The following ZNF608 variants were observed in gnomAD, a reference collection of about 807,000 sequenced individuals.
The protein encoded by ZNF608 is zinc finger protein 608.
ZNF608 carries 12 observed loss-of-function variants against 109.0 expected under a neutral mutation model. The observed-to-expected ratio is 0.11, with a 90% CI of 0.07 to 0.18. The LOEUF is 0.18. Ranked by LOEUF, ZNF608 falls within the 10% of genes least tolerant of loss-of-function variation. The probability of loss-of-function intolerance (pLI) is 1.00; values close to 1 mark genes in which losing one functional copy is unlikely to be tolerated. For missense variants in ZNF608, 1,707 were observed against 1,879.3 expected (o/e 0.91, Z 1.70); for synonymous variants, 732 against 717.4 (o/e 1.02, Z -0.33).
At chr5:124,649,209 G>T (rs1004622581) in intron 4 of ZNF608, 76 bp from the exon 5 acceptor site, 32 of 1,250,104 alleles carry the variant, frequency 2.6e-5, no homozygotes, top group African/African-American at 4.5e-5. Context: ...ACACAATGCA[G>T]TAAAGAGGAG....
intron 3 of ZNF608, among the ~76,000 whole-genome samples, chr5:124,699,522 G>A (rs979164737): frequency 6.6e-6 from 1 of 152,168 alleles, no homozygotes; most frequent in African/African-American, 2.4e-5. Context: ...ACTTCCCTCT[G>A]AGCAAACAAA....
chr5:124,721,784 A>C, intron 2 of ZNF608, among the ~76,000 whole-genome samples: 1 of 151,486 alleles, frequency 6.6e-6, no homozygotes, highest in East Asian at 1.9e-4. Context: ...TTAAAAATAC[A>C]AAAATTACCC....
intron 3 of ZNF608, among the ~76,000 whole-genome samples, chr5:124,691,914 T>TA (rs552389413): frequency 1.2e-3 from 180 of 146,172 alleles, no homozygotes; most frequent in East Asian, 4.9e-3. Flanking sequence ...TGGTTAAGAA[T>TA]AAAAAAAAAA....
intron 8 of ZNF608, among the ~76,000 whole-genome samples, chr5:124,640,257 T>G (rs962395482): frequency 6.6e-6 from 1 of 152,196 alleles, no homozygotes; most frequent in African/African-American, 2.4e-5. Context: ...CCTCAAAATA[T>G]GTTGAAGCTC....
chr5:124,668,477 G>A (rs1378821362), intron 3 of ZNF608, among the ~76,000 whole-genome samples: 4 of 151,868 alleles, frequency 2.6e-5, no homozygotes, highest in Non-Finnish European at 4.4e-5. Context: ...TTATCAAGAA[G>A]GAAACTAGGG....
At chr5:124,709,170 CAAAAAAAAAAAA>C (rs1156276798) in intron 2 of ZNF608, among the ~76,000 whole-genome samples, 6 of 32,710 alleles carry the variant, frequency 1.8e-4, no homozygotes, top group East Asian at 1.2e-3. Flanking sequence ...GACTCTGTCT[CAAAAAAAAAAAA>C]AAAAAAAAAA....
At chr5:124,641,469 A>G in intron 7 of ZNF608, 64 bp from the exon 8 acceptor site, 1 of 1,505,656 alleles carries the variant, frequency 6.6e-7, no homozygotes, top group Non-Finnish European at 9.0e-7. Context: ...AGAGTACTAA[A>G]CCACCTTTGT....
intron 3 of ZNF608, among the ~76,000 whole-genome samples, chr5:124,658,970 A>G (rs1751130452): frequency 6.6e-6 from 1 of 152,054 alleles, no homozygotes; most frequent in Non-Finnish European, 1.5e-5. Context: ...ATTTTAGAAG[A>G]CGGCTATTAC....
intron 2 of ZNF608, among the ~76,000 whole-genome samples, chr5:124,718,344 T>A (rs1302230428): frequency 1.4e-4 from 21 of 152,200 alleles, no homozygotes; most frequent in Non-Finnish European, 2.6e-4. Context: ...ATAAACCTAA[T>A]CTAAGCTGTC....
In ZNF608 at chr5:124,648,910, C is replaced by A. The variant is rs1750660106; in HGVS notation, c.1474G>T (p.Ala492Ser). 3.7e-6 allele frequency: 6 copies of A among 1,614,076 alleles called. No homozygotes were observed. The highest frequency in any genetic ancestry group is 4.2e-6 in the Non-Finnish European group (5 of 1,179,978). Residue 492 changes from alanine (A) to serine (S), a missense_variant, in exon 5 of 10, where the codon GCC becomes TCC. By Grantham distance (99) the Ala-to-Ser change is moderately conservative. Around this residue, in one of 7 missense-constraint regions of ZNF608, gnomAD observed 166 missense variants for 204.2 expected, o/e 0.81. Transcript: ENST00000513986. Reference sequence around the variant, plus strand: ...CTTTTGTTGGTGGAGGAAGGGCTGGCTTTGATATCCTCAGCAGCACAATTT... The same window carrying A: ...CTTTTGTTGGTGGAGGAAGGGCTGGATTTGATATCCTCAGCAGCACAATTT... The part of the protein sequence containing the change: ...PPNCAAEDIK[A>S]SPSSTNKRKN...
At chr5:124,673,881 G>A (rs1751830744) in intron 3 of ZNF608, among the ~76,000 whole-genome samples, 1 of 152,022 alleles carries the variant, frequency 6.6e-6, no homozygotes, top group Admixed American at 6.5e-5. Context: ...TTCCTCACAT[G>A]GCATAATTTG....
At chr5:124,747,168 CTTTTTTT>C (rs375960252), upstream of ZNF608, among the ~76,000 whole-genome samples, 1 of 135,788 alleles carries the variant, frequency 7.4e-6, no homozygotes, top group African/African-American at 2.7e-5. Context: ...TTTTTGTTTT[CTTTTTTT>C]TTTTTTTTAA....
chr5:124,638,599 G>A (rs1338408658), intron 9 of ZNF608, among the ~76,000 whole-genome samples: 2 of 152,224 alleles, frequency 1.3e-5, no homozygotes, highest in East Asian at 1.9e-4. Flanking sequence ...CCATAAGACC[G>A]ATAGTCTTAT....
intron 3 of ZNF608, among the ~76,000 whole-genome samples, chr5:124,655,812 G>C (rs1750980626): frequency 6.6e-6 from 1 of 152,218 alleles, no homozygotes; most frequent in Non-Finnish European, 1.5e-5. Flanking sequence ...GCTGAATCTT[G>C]TATAGCACAA....
At chr5:124,669,761 G>C (rs1751639947) in intron 3 of ZNF608, among the ~76,000 whole-genome samples, 2 of 152,008 alleles carry the variant, frequency 1.3e-5, no homozygotes, top group African/African-American at 2.4e-5. Context: ...CTCGCCAGAT[G>C]ATAAAAATAC....
chr5:124,659,640 C>A (rs893984978), intron 3 of ZNF608, among the ~76,000 whole-genome samples: 1 of 152,198 alleles, frequency 6.6e-6, no homozygotes, highest in East Asian at 1.9e-4. Context: ...ACAAACCCAC[C>A]ACCTCTTGTA....
At position 124,685,303 on chromosome 5, in the gene ZNF608, C is replaced by T. The variant is rs551938777; in HGVS notation, c.1162+15711G>A. On this transcript the variant is annotated intron_variant, in intron 3 of 9. Coordinates refer to ENST00000513986, the MANE Select transcript of ZNF608 (RefSeq NM_020747.3). ...TGGCACTCTTGCTACACTTTTGTTG[C>T]TTTTCATTAATGATCGGAATGAAAT... 2.2e-4 allele frequency among the ~76,000 whole-genome samples: 33 copies of T among 152,260 alleles called. 1 individual carries two copies. Among genetic ancestry groups the T allele is most frequent in the African/African-American group, 7.9e-4 (33 of 41,548 alleles).
intron 3 of ZNF608, among the ~76,000 whole-genome samples, chr5:124,660,604 A>C (rs967610102): frequency 6.6e-6 from 1 of 152,220 alleles, no homozygotes; most frequent in Non-Finnish European, 1.5e-5. Flanking sequence ...AGACAGAGGC[A>C]GACTCACCTG....
Position 124,644,265 on chromosome 5 carries a change from C to T in ZNF608, c.4102G>A (p.Val1368Ile), listed in dbSNP as rs143877235. The T allele has an allele frequency of 7.7e-5, 124 of 1,610,150 alleles. No homozygotes were observed. Among genetic ancestry groups the T allele is most frequent in the Admixed American group, 1.8e-4 (11 of 59,948 alleles). The stretch of plus-strand genomic sequence containing the variant: ...GTACCAGGATAACTGTGCATTAGGA[C>T]GGGAGAAACAGCCCGGTATGCAGGA... The part of the protein sequence containing the change: ...SHPAYRAVSP[V>I]LMHSYPGAYL... Residue 1368 changes from valine to isoleucine, a missense_variant, in exon 6 of 10, where the codon GTC becomes ATC. Coordinates refer to ENST00000513986, the MANE Select transcript of ZNF608 (RefSeq NM_020747.3).
Sources: gnomAD v4.1 joint callset for allele counts (sites outside exome capture counted in the v4.1 genomes callset) on GRCh38, gnomAD v4.1.1 for gene constraint, gnomAD v4.1.1 regional missense constraint, MANE v1.5 for transcripts, NCBI Gene and HGNC (gene_info 2026-07-23, HGNC 2026-07-21) for gene names.